Variants in ZBTB37 observed in about 807,000 individuals in gnomAD.
ZBTB37 encodes zinc finger and BTB domain-containing protein 37.
ZBTB37 carries 15 observed loss-of-function variants against 37.7 expected under a neutral mutation model. That is an observed-to-expected ratio of 0.40 (90% CI 0.27 to 0.61). The LOEUF (loss-of-function observed/expected upper bound fraction) is 0.61. Ranked by LOEUF, ZBTB37 falls within the 20% of genes least tolerant of loss-of-function variation. ZBTB37 has a pLI of 0.44. For missense variants in ZBTB37, 514 were observed against 641.9 expected (o/e 0.80, Z 2.15); for synonymous variants, 231 against 220.6 (o/e 1.05, Z -0.42).
intron 4 of ZBTB37, among the ~76,000 whole-genome samples, chr1:173,883,392 T>C (rs370724701): frequency 3.7e-4 from 56 of 152,234 alleles, no homozygotes; most frequent in East Asian, 1.4e-3. Context: ...GGCAGGAGAA[T>C]TGCTTGAACC....
chr1:173,889,108 A>G (rs1015248983), downstream of ZBTB37: 2 of 152,282 alleles, frequency 1.3e-5, no homozygotes, highest in Non-Finnish European at 1.5e-5. Flanking sequence ...AATTTAAGGC[A>G]GGCTAGCTTT....
chr1:173,873,565 A>G (rs1364652119), exon 4 of ZBTB37: 1 of 1,614,070 alleles, frequency 6.2e-7, no homozygotes, highest in Non-Finnish European at 8.5e-7. Context: ...CCCAGCTCCC[A>G]GGTATGGAGT....
chr1:173,875,206 A>G (rs1380462354), intron 4 of ZBTB37, among the ~76,000 whole-genome samples: 1 of 151,218 alleles, frequency 6.6e-6, no homozygotes, highest in Non-Finnish European at 1.5e-5. Flanking sequence ...CACACTATGT[A>G]TACTATAGTA....
At chr1:173,869,326 T>C (rs1334369200) in intron 2 of ZBTB37, among the ~76,000 whole-genome samples, 1 of 147,668 alleles carries the variant, frequency 6.8e-6, no homozygotes, top group African/African-American at 2.7e-5. Flanking sequence ...CAAACTATTT[T>C]CAGTAGTTGA....
At chr1:173,875,618 C>T (rs1275314685) in intron 4 of ZBTB37, among the ~76,000 whole-genome samples, 2 of 151,766 alleles carry the variant, frequency 1.3e-5, no homozygotes, top group African/African-American at 4.8e-5. Flanking sequence ...TGAGCCACCG[C>T]GCCCGGCCTG....
At chr1:173,882,364 C>A (rs1373580600) in intron 4 of ZBTB37, among the ~76,000 whole-genome samples, 1 of 150,966 alleles carries the variant, frequency 6.6e-6, no homozygotes, top group Non-Finnish European at 1.5e-5. Context: ...GCCTCAGCCT[C>A]CCGAGTAGCT....
chr1:173,896,309 T>C (rs1388914101), exon 4 of ZBTB37: 1 of 152,234 alleles, frequency 6.6e-6, no homozygotes, highest in Admixed American at 6.5e-5. Flanking sequence ...AAACTTTCTT[T>C]TGGATTCACA....
exon 4 of ZBTB37, chr1:173,899,167 A>C (rs1191824900): frequency 6.6e-6 from 1 of 152,202 alleles, no homozygotes; most frequent in Non-Finnish European, 1.5e-5. Context: ...TGGTAAAATT[A>C]AATTATATGA....
At chr1:173,870,505 C>T (rs1475259046) in exon 3 of ZBTB37, 3 of 1,614,090 alleles carry the variant, frequency 1.9e-6, no homozygotes, top group Non-Finnish European at 2.5e-6. Context: ...GCGGATATGC[C>T]TGCAACTGGC....
chr1:173,870,693 A>G, exon 3 of ZBTB37: 1 of 1,614,190 alleles, frequency 6.2e-7, no homozygotes, highest in Non-Finnish European at 8.5e-7. Flanking sequence ...ACAGGGTTAC[A>G]CCAAATCTCA....
chr1:173,880,728 A>G (rs1443981537), intron 4 of ZBTB37, among the ~76,000 whole-genome samples: 1 of 152,224 alleles, frequency 6.6e-6, no homozygotes, highest in Non-Finnish European at 1.5e-5. Context: ...CAATAAAACT[A>G]CAAAAAGTAT....
chr1:173,884,217 T>C (rs896987259), intron 4 of ZBTB37, among the ~76,000 whole-genome samples: 1 of 151,754 alleles, frequency 6.6e-6, no homozygotes, highest in Non-Finnish European at 1.5e-5. Context: ...AGTGGCCTGA[T>C]GACAGCTTAT....
At chr1:173,897,050 AC>A (rs1657078633) in exon 4 of ZBTB37, 1 of 152,216 alleles carries the variant, frequency 6.6e-6, no homozygotes, top group African/African-American at 2.4e-5. Context: ...TTTTTGGAAA[AC>A]TGGCACAATA....
Position 173,885,623 on chromosome 1 carries a change from T to A in ZBTB37, c.1024-13T>A. 1 of 1,526,072 alleles carries A rather than the reference T, an allele frequency of 6.6e-7. No homozygotes were observed. 94.5% of individuals were successfully genotyped at this position (1,526,072 alleles called of 1,614,324 possible). A position where few individuals can be genotyped will look rare whatever the true frequency, so the allele number is the denominator to read the frequency against. ...ATTTGTTCTTTCTTGGTTATTTTCC[T>A]TACCTGGTACAGGTAGAAGAGTCAG... On this transcript the variant is annotated splice_polypyrimidine_tract_variant and intron_variant, in intron 4 of 4. Coordinates refer to ENST00000427304, the Ensembl canonical transcript of ZBTB37.
chr1:173,868,798 C>T (rs1033558385), intron 1 of ZBTB37, 127 bp from the exon 2 acceptor site: 1 of 153,130 alleles, frequency 6.5e-6, no homozygotes, highest in Non-Finnish European at 1.5e-5. Flanking sequence ...CCATCTTCTC[C>T]GAAGTTCCTC....
intron 3 of ZBTB37, 64 bp downstream of exon 3, chr1:173,871,212 C>T (rs144059016): frequency 1.8e-4 from 252 of 1,421,588 alleles, no homozygotes; most frequent in Non-Finnish European, 2.2e-4. Context: ...CTAAAGTGTC[C>T]TCTGTAGTAC....
At chr1:173,869,910 ACTT>A (rs1416109901) in intron 2 of ZBTB37, among the ~76,000 whole-genome samples, 1 of 152,116 alleles carries the variant, frequency 6.6e-6, no homozygotes, top group African/African-American at 2.4e-5. Context: ...CTTCTGTTGA[ACTT>A]CTGTTTTGAT....
chr1:173,882,390 C>T (rs559361450), intron 4 of ZBTB37, among the ~76,000 whole-genome samples: 9 of 151,702 alleles, frequency 5.9e-5, no homozygotes, highest in South Asian at 4.2e-4. Flanking sequence ...TACAGGCACC[C>T]GCCACCACGC....
At chr1:173,893,803 C>G (rs1656943741) in exon 4 of ZBTB37, 1 of 152,196 alleles carries the variant, frequency 6.6e-6, no homozygotes, top group Non-Finnish European at 1.5e-5. Context: ...GAAACAGACA[C>G]AACTGACTCA....
Sources: gnomAD v4.1 joint callset for allele counts (sites outside exome capture counted in the v4.1 genomes callset) on GRCh38, gnomAD v4.1.1 for gene constraint, MANE v1.5 for transcripts, NCBI Gene and HGNC (gene_info 2026-07-23, HGNC 2026-07-21) for gene names.